Variants in SLC26A7 observed in about 807,000 individuals in gnomAD.
SLC26A7 encodes the protein anion exchange transporter.
In SLC26A7, 59 loss-of-function variants were observed where a neutral mutation model predicts 82.5. That is an observed-to-expected ratio of 0.72 (90% CI 0.58 to 0.89). The LOEUF (loss-of-function observed/expected upper bound fraction) is 0.89, where lower values mean the gene tolerates loss of function less well. SLC26A7 is among the 40% of genes least tolerant of loss of function. SLC26A7 has a pLI of 0.00. For missense variants in SLC26A7, 820 were observed against 793.0 expected (o/e 1.03, Z -0.41); for synonymous variants, 271 against 274.3 (o/e 0.99, Z 0.12).
intron 11 of SLC26A7, among the ~76,000 whole-genome samples, chr8:91,358,032 G>A (rs186734809): frequency 0.03 from 4,591 of 152,264 alleles, 88 homozygotes; most frequent in South Asian, 0.054. Context: ...CTGGCCATCA[G>A]AGAAATACAA....
At chr8:91,215,729 C>A (rs7832896) in intron 1 of SLC26A7, among the ~76,000 whole-genome samples, 1 of 151,950 alleles carries the variant, frequency 6.6e-6, no homozygotes, top group African/African-American at 2.4e-5. Context: ...TCATTGAGTG[C>A]TTTGATCTCT....
At chr8:91,272,665 T>C (rs568518498) in intron 2 of SLC26A7, among the ~76,000 whole-genome samples, 1 of 152,284 alleles carries the variant, frequency 6.6e-6, no homozygotes, top group East Asian at 1.9e-4. Context: ...TTTCTAATAA[T>C]ATAATTTGGT....
intron 5 of SLC26A7, among the ~76,000 whole-genome samples, chr8:91,325,508 A>T (rs1563680146): frequency 1.3e-5 from 2 of 152,148 alleles, no homozygotes; most frequent in East Asian, 3.9e-4. Context: ...TAATCTGTGT[A>T]TTAACAGCTT....
upstream of SLC26A7, among the ~76,000 whole-genome samples, chr8:91,246,827 C>G (rs192642845): frequency 1.2e-4 from 18 of 152,338 alleles, no homozygotes; most frequent in African/African-American, 4.1e-4. Context: ...ATGCCACTCT[C>G]CATCCTCTGA....
At chr8:91,263,543 T>C (rs1811026524) in intron 2 of SLC26A7, among the ~76,000 whole-genome samples, 1 of 152,124 alleles carries the variant, frequency 6.6e-6, no homozygotes, top group South Asian at 2.1e-4. Context: ...TCCAAACCTA[T>C]ACAAATGCTG....
rs921560794 is a variant in SLC26A7 at position 91,374,445 on chromosome 8, C to A, written c.1675+4612C>A. On this transcript the variant is annotated intron_variant, in intron 15 of 18. Transcript: ENST00000276609. ...GTTGTATCTCTATACTGATTTGTTT[C>A]AAAAATACTTTTGATTTCTACCTCA... Among the ~76,000 whole-genome samples the A allele has an allele frequency of 2.6e-5, 4 of 151,238 alleles. No homozygotes were observed. In the East Asian group the frequency reaches 7.8e-4, roughly 29 times the overall value.
At chr8:91,323,227 A>G (rs1812839782) in intron 5 of SLC26A7, among the ~76,000 whole-genome samples, 1 of 152,210 alleles carries the variant, frequency 6.6e-6, no homozygotes, top group Non-Finnish European at 1.5e-5. Context: ...AAGGGGAGAG[A>G]AAAAGAATGT....
intron 4 of SLC26A7, among the ~76,000 whole-genome samples, chr8:91,315,274 A>C (rs1323154781): frequency 6.6e-6 from 1 of 152,078 alleles, no homozygotes; most frequent in Non-Finnish European, 1.5e-5. Flanking sequence ...TGAAAATTCA[A>C]CTCTGGTTTT....
At chr8:91,238,969 C>G (rs1192114522) in intron 2 of SLC26A7, among the ~76,000 whole-genome samples, 1 of 152,084 alleles carries the variant, frequency 6.6e-6, no homozygotes, top group Non-Finnish European at 1.5e-5. Context: ...GGCGTAAGTA[C>G]TATGTGCTAC....
intron 5 of SLC26A7, among the ~76,000 whole-genome samples, chr8:91,332,071 G>T (rs1268827753): frequency 6.7e-6 from 1 of 149,894 alleles, no homozygotes; most frequent in Non-Finnish European, 1.5e-5. Context: ...GTTCAAACAT[G>T]ATATATTGGA....
chr8:91,366,093 C>T (rs1463285365), intron 13 of SLC26A7, among the ~76,000 whole-genome samples: 1 of 152,142 alleles, frequency 6.6e-6, no homozygotes, highest in African/African-American at 2.4e-5. Flanking sequence ...AGGTCTCTGT[C>T]TTCAAATTAG....
chr8:91,221,661 G>A (rs1198116245), intron 2 of SLC26A7, among the ~76,000 whole-genome samples: 2 of 152,050 alleles, frequency 1.3e-5, no homozygotes, highest in Non-Finnish European at 2.9e-5. Flanking sequence ...TTTCAGGTTT[G>A]TCAAAGATCA....
chr8:91,250,674 C>T (rs1042049036), intron 2 of SLC26A7, among the ~76,000 whole-genome samples: 2 of 152,108 alleles, frequency 1.3e-5, no homozygotes, highest in African/African-American at 2.4e-5. Context: ...ATAGACACTG[C>T]AGGCTTATAT....
chr8:91,388,300 G>A (rs1216356407), intron 15 of SLC26A7, among the ~76,000 whole-genome samples: 4 of 151,000 alleles, frequency 2.6e-5, no homozygotes, highest in African/African-American at 7.3e-5. Flanking sequence ...AGGCTGGAGT[G>A]CAGTGGCGGG....
intron 5 of SLC26A7, 89 bp from the exon 6 acceptor site, chr8:91,334,206 A>G: frequency 8.0e-7 from 1 of 1,250,592 alleles, no homozygotes; most frequent in Non-Finnish European, 1.1e-6. Flanking sequence ...GTTTTATAAA[A>G]CATCATTGAG....
chr8:91,397,839 A>G lies in SLC26A7; in HGVS notation c.*2742A>G, dbSNP rs977874420. 1 of 152,532 alleles carries G rather than the reference A, an allele frequency of 6.6e-6. No individual in the cohort carries two copies. Among genetic ancestry groups the G allele is most frequent in the African/African-American group, 2.4e-5 (1 of 41,448 alleles). The allele number at this position is 152,532 out of a possible 1,614,324, so 9.4% of individuals were successfully genotyped here. ...TGCTTGACATTTAGTGGTTTCCAAA[A>G]TATATTAGTATATTGTTGAACATAC... On this transcript the variant is annotated 3_prime_UTR_variant, in exon 19 of 19. Transcript: ENST00000276609.
chr8:91,250,144 A>G (rs940143536), intron 2 of SLC26A7, among the ~76,000 whole-genome samples: 1 of 152,132 alleles, frequency 6.6e-6, no homozygotes, highest in African/African-American at 2.4e-5. Context: ...TTTTTATAAC[A>G]TGATCTTATG....
At chr8:91,276,526 C>T (rs952319956) in intron 2 of SLC26A7, among the ~76,000 whole-genome samples, 1 of 152,122 alleles carries the variant, frequency 6.6e-6, no homozygotes, top group Non-Finnish European at 1.5e-5. Context: ...CATCAAAATT[C>T]TTCTCCAAAT....
chr8:91,357,574 T>C (rs1244291392), intron 11 of SLC26A7, among the ~76,000 whole-genome samples: 1 of 152,186 alleles, frequency 6.6e-6, no homozygotes. Flanking sequence ...AAGCTGAAAC[T>C]AATCCCTTCC....
Sources: allele counts gnomAD v4.1 joint callset (sites outside exome capture counted in the v4.1 genomes callset), GRCh38; gene constraint gnomAD v4.1.1; transcripts MANE v1.5; gene names NCBI Gene and HGNC (gene_info 2026-07-23, HGNC 2026-07-21).